TMC1: variants seen among roughly 807,000 people sequenced by gnomAD.
The protein encoded by TMC1 is transmembrane channel like 1.
In TMC1, 84 loss-of-function variants were observed where a neutral mutation model predicts 105.8. The ratio of observed to expected loss-of-function variants is 0.79; its 90% CI spans 0.67 to 0.95. TMC1 has a LOEUF of 0.95. Among genes scored for constraint, TMC1 ranks in the 40% least tolerant of loss-of-function variants. The probability of loss-of-function intolerance (pLI) is 0.00; values close to 1 mark genes in which losing one functional copy is unlikely to be tolerated. For synonymous variants in TMC1, 315 were observed against 311.5 expected, an observed-to-expected ratio of 1.01 and a Z score of -0.12; for missense variants, 817 against 914.1, an observed-to-expected ratio of 0.89 and a Z score of 1.37.
intron 2 of TMC1, among the ~76,000 whole-genome samples, chr9:72,615,244 G>A (rs1348246756): frequency 6.6e-6 from 1 of 152,132 alleles, no homozygotes; most frequent in Non-Finnish European, 1.5e-5. Flanking sequence ...GTAAACTGGA[G>A]GGGTGTGCAA....
In TMC1 at chr9:72,682,816, ATGG is replaced by A. The variant is rs550237336; in HGVS notation, c.17-5891_17-5889del. Among the ~76,000 whole-genome samples the A allele has an allele frequency of 3.9e-5, 6 of 152,318 alleles. No homozygotes were observed. The East Asian group carries it at 1.2e-3, about 29-fold the overall frequency. On this transcript the variant is annotated intron_variant, in intron 5 of 23. Transcript: ENST00000297784. ...TAAAGAAAATAGGTTTAATTGGCTC[ATGG>A]TTCTGCAGGCTGTACAGAAAGCATG... is the stretch of plus-strand genomic sequence containing the variant.
chr9:72,766,457 T>C (rs1474296277), intron 12 of TMC1, among the ~76,000 whole-genome samples: 1 of 150,494 alleles, frequency 6.6e-6, no homozygotes, highest in African/African-American at 2.4e-5. Flanking sequence ...CTCTGGCACA[T>C]AGTAGATTCT....
At chr9:72,715,933 G>A (rs549734206) in intron 8 of TMC1, among the ~76,000 whole-genome samples, 32 of 152,144 alleles carry the variant, frequency 2.1e-4, no homozygotes, top group Middle Eastern at 3.4e-3. Context: ...GGTGACCTTC[G>A]GCTGGGGTCT....
At chr9:72,825,107 G>T (rs1828931411) in intron 20 of TMC1, among the ~76,000 whole-genome samples, 1 of 152,178 alleles carries the variant, frequency 6.6e-6, no homozygotes. Flanking sequence ...CCTCTCTGTG[G>T]ATCTAGGACA....
intron 15 of TMC1, among the ~76,000 whole-genome samples, chr9:72,790,090 G>A (rs1376831246): frequency 2.6e-5 from 4 of 152,274 alleles, no homozygotes; most frequent in Admixed American, 6.5e-5. Flanking sequence ...GCTAGAGTCT[G>A]TTCCCGTTCA....
intron 8 of TMC1, among the ~76,000 whole-genome samples, chr9:72,722,031 C>T (rs1198450217): frequency 6.6e-6 from 1 of 152,124 alleles, no homozygotes; most frequent in Non-Finnish European, 1.5e-5. Context: ...TGATGATGAC[C>T]ATGAGGTTTT....
At chr9:72,645,911 C>T (rs771492490) in intron 4 of TMC1, among the ~76,000 whole-genome samples, 22 of 152,000 alleles carry the variant, frequency 1.4e-4, no homozygotes, top group Non-Finnish European at 2.4e-4. Flanking sequence ...ACTATTTGGC[C>T]GGTATCATTG....
intron 8 of TMC1, among the ~76,000 whole-genome samples, chr9:72,715,941 T>C (rs532433798): frequency 1.3e-5 from 2 of 152,166 alleles, no homozygotes; most frequent in African/African-American, 2.4e-5. Context: ...TCGGCTGGGG[T>C]CTCTGAGTGG....
chr9:72,701,590 G>A (rs1368618425), intron 8 of TMC1, among the ~76,000 whole-genome samples: 1 of 152,152 alleles, frequency 6.6e-6, no homozygotes, highest in Admixed American at 6.5e-5. Context: ...TAGTAATGCT[G>A]TAAAAATGAT....
chr9:72,782,579 G>A (rs1828110741), intron 13 of TMC1, among the ~76,000 whole-genome samples: 1 of 152,092 alleles, frequency 6.6e-6, no homozygotes, highest in African/African-American at 2.4e-5. Flanking sequence ...TCTGCCCAAA[G>A]GTTCCTAGAT....
chr9:72,571,152 G>A (rs1338939406), intron 1 of TMC1, among the ~76,000 whole-genome samples: 1 of 150,512 alleles, frequency 6.6e-6, no homozygotes, highest in East Asian at 2.1e-4. Context: ...GTGAAATCCC[G>A]CCTCTACAAA....
At chr9:72,523,791 T>C (rs889421515) in intron 1 of TMC1, among the ~76,000 whole-genome samples, 8 of 152,072 alleles carry the variant, frequency 5.3e-5, no homozygotes, top group African/African-American at 1.7e-4. Flanking sequence ...ACCTGACTTG[T>C]TCAGAGTCAA....
At chr9:72,583,483 A>G (rs1314208036) in intron 2 of TMC1, among the ~76,000 whole-genome samples, 2 of 152,200 alleles carry the variant, frequency 1.3e-5, no homozygotes, top group Admixed American at 1.3e-4. Context: ...TCCCAAAACA[A>G]AAAAATTGTG....
chr9:72,741,115 T>C (rs896324517), intron 9 of TMC1: 4 of 159,304 alleles, frequency 2.5e-5, no homozygotes, highest in Non-Finnish European at 5.5e-5. Context: ...GTAATCTTTT[T>C]TTTTTTTGTT....
intron 23 of TMC1, among the ~76,000 whole-genome samples, chr9:72,832,861 A>G (rs73647826): frequency 0.021 from 3,181 of 152,238 alleles, 97 homozygotes; most frequent in African/African-American, 0.068. Context: ...TCATAATTCT[A>G]TAAGGCTTAT....
intron 1 of TMC1, among the ~76,000 whole-genome samples, chr9:72,541,416 G>A (rs888421952): frequency 6.6e-6 from 1 of 152,156 alleles, no homozygotes; most frequent in African/African-American, 2.4e-5. Flanking sequence ...GGCTGGGTGC[G>A]ATGGCTCATG....
chr9:72,833,121 A>G (rs1829068289), intron 23 of TMC1, among the ~76,000 whole-genome samples: 1 of 152,048 alleles, frequency 6.6e-6, no homozygotes, highest in Non-Finnish European at 1.5e-5. Context: ...CTCTTGCCCC[A>G]GTCTTTCTAT....
intron 5 of TMC1, among the ~76,000 whole-genome samples, chr9:72,666,455 T>C (rs1415055289): frequency 6.6e-6 from 1 of 152,188 alleles, no homozygotes; most frequent in Admixed American, 6.5e-5. Context: ...GCTAATGTTA[T>C]TCCTTCCTCT....
chr9:72,569,119 T>C (rs1033468659), intron 1 of TMC1, among the ~76,000 whole-genome samples: 11 of 152,348 alleles, frequency 7.2e-5, no homozygotes, highest in Admixed American at 2.6e-4. Context: ...AAGTCTCTGA[T>C]ATAAAATGGT....
Sources: allele counts gnomAD v4.1 joint callset (sites outside exome capture counted in the v4.1 genomes callset), GRCh38; gene constraint gnomAD v4.1.1; transcripts MANE v1.5; gene names NCBI Gene and HGNC (gene_info 2026-07-23, HGNC 2026-07-21).